The following TTC28 variants were observed in gnomAD, a reference collection of about 807,000 sequenced individuals.
TTC28 encodes tetratricopeptide repeat protein 28.
A neutral mutation model predicts 198.0 loss-of-function variants in TTC28; 61 were observed. The ratio of observed to expected loss-of-function variants is 0.31; its 90% confidence interval spans 0.25 to 0.38. TTC28 has a LOEUF of 0.38. Ranked by LOEUF, TTC28 falls within the 10% of genes least tolerant of loss-of-function variation. The pLI is 1.00. For synonymous variants in TTC28, 1,171 were observed against 1,297.8 expected (o/e 0.90, Z 2.10); for missense variants, 2,678 against 3,164.0 (o/e 0.85, Z 3.69).
rs1260864798 is a variant in TTC28, at chr22:28,297,566, A to G, written c.802+14T>C. 3 of 1,542,032 alleles carry G rather than the reference A, an allele frequency of 1.9e-6. No individual in the cohort carries two copies. The highest frequency in any genetic ancestry group is 1.2e-5 in the South Asian group (1 of 83,830). ...GTTCCCTTTCTGCACTGAAATAGAG[A>G]AGCATCACTCTACCTAAGGTCTTGG... On this transcript the variant is annotated intron_variant, in intron 4 of 22. Transcript: ENST00000397906.
At chr22:28,225,526 C>T (rs929843386) in intron 5 of TTC28, among the ~76,000 whole-genome samples, 11 of 152,068 alleles carry the variant, frequency 7.2e-5, no homozygotes, top group South Asian at 2.1e-4. Context: ...TTTTCTGCCA[C>T]GGACAAACAG....
At chr22:28,556,310 G>T (rs943655777) in intron 2 of TTC28, among the ~76,000 whole-genome samples, 3 of 152,100 alleles carry the variant, frequency 2.0e-5, no homozygotes, top group African/African-American at 7.2e-5. Context: ...AGTGAGCCAA[G>T]ATCGCACCAC....
intron 12 of TTC28, among the ~76,000 whole-genome samples, chr22:28,035,144 T>C (rs978757524): frequency 6.6e-6 from 1 of 152,356 alleles, no homozygotes; most frequent in East Asian, 1.9e-4. Context: ...CTTTTATTTA[T>C]GTCTCAACAT....
chr22:28,149,897 T>C lies in TTC28; in HGVS notation c.1441+13195A>G, dbSNP rs181991389. Among the ~76,000 whole-genome samples the C allele has an allele frequency of 6.5e-3, 987 of 152,340 alleles. 6 individuals are homozygous for C. Among genetic ancestry groups the C allele is most frequent in the Middle Eastern group, 0.024 (7 of 294 alleles). On this transcript the variant is annotated intron_variant, in intron 6 of 22. Transcript: ENST00000397906. ...TGCTAAAAGGGTAGATTTTAAATGT[T>C]CTCACCAGCAAAAAAATGGTAAGTA...
chr22:28,114,960 T>C (rs1401169110), intron 6 of TTC28, among the ~76,000 whole-genome samples: 1 of 152,128 alleles, frequency 6.6e-6, no homozygotes, highest in Admixed American at 6.5e-5. Context: ...AACTTCCTGA[T>C]AGGTAAGCTT....
At chr22:28,356,350 T>G (rs1011117680) in intron 2 of TTC28, among the ~76,000 whole-genome samples, 1 of 152,180 alleles carries the variant, frequency 6.6e-6, no homozygotes, top group African/African-American at 2.4e-5. Context: ...GTCAAGGTCA[T>G]TATTACATAG....
chr22:28,042,424 C>A (rs574515817), intron 12 of TTC28, among the ~76,000 whole-genome samples: 2 of 152,146 alleles, frequency 1.3e-5, no homozygotes, highest in Non-Finnish European at 2.9e-5. Flanking sequence ...AGTTCATAAC[C>A]TTTGCAGGGA....
chr22:28,289,654 C>G (rs2044750497), intron 5 of TTC28, among the ~76,000 whole-genome samples: 1 of 152,130 alleles, frequency 6.6e-6, no homozygotes, highest in African/African-American at 2.4e-5. Flanking sequence ...ACTATGATCA[C>G]ACTTGTGAAT....
intron 2 of TTC28, among the ~76,000 whole-genome samples, chr22:28,430,508 T>G (rs1176171163): frequency 1.3e-5 from 2 of 152,098 alleles, no homozygotes; most frequent in African/African-American, 4.8e-5. Context: ...TAACTAATAT[T>G]ACCCAAAGGA....
At chr22:28,133,826 C>T (rs577464891) in intron 6 of TTC28, among the ~76,000 whole-genome samples, 39 of 152,218 alleles carry the variant, frequency 2.6e-4, no homozygotes, top group Non-Finnish European at 4.7e-4. Flanking sequence ...CCTCTGCAGA[C>T]TTAAATGTCC....
chr22:28,576,056 A>G (rs1285267665), intron 2 of TTC28, among the ~76,000 whole-genome samples: 1 of 152,110 alleles, frequency 6.6e-6, no homozygotes, highest in Non-Finnish European at 1.5e-5. Flanking sequence ...GAAAGTGGGC[A>G]TCTTTTCCTG....
chr22:28,529,046 C>A (rs1363088193), intron 2 of TTC28, among the ~76,000 whole-genome samples: 2 of 152,202 alleles, frequency 1.3e-5, no homozygotes, highest in African/African-American at 2.4e-5. Context: ...GTACCAGGTT[C>A]ATCTCACTGG....
chr22:28,204,380 A>G (rs1926221634), intron 5 of TTC28, among the ~76,000 whole-genome samples: 1 of 152,174 alleles, frequency 6.6e-6, no homozygotes, highest in Non-Finnish European at 1.5e-5. Flanking sequence ...AAACGGTAAT[A>G]GTAATAGCTA....
chr22:28,601,115 T>A (rs887481223), intron 2 of TTC28, among the ~76,000 whole-genome samples: 2 of 152,234 alleles, frequency 1.3e-5, no homozygotes, highest in African/African-American at 2.4e-5. Context: ...CATTGAATTA[T>A]AATAAACGTG....
intron 12 of TTC28, among the ~76,000 whole-genome samples, chr22:28,043,522 C>T (rs1313631818): frequency 6.6e-6 from 1 of 151,992 alleles, no homozygotes; most frequent in Non-Finnish European, 1.5e-5. Context: ...GCAGTTTGCA[C>T]CTCCAGCTGC....
At chr22:28,574,199 ACAGGATTTCACTATGTTGCCCAGG>A (rs1318877469) in intron 2 of TTC28, among the ~76,000 whole-genome samples, 1 of 152,014 alleles carries the variant, frequency 6.6e-6, no homozygotes, top group Non-Finnish European at 1.5e-5. Context: ...TTTTTTTGAG[ACAGGATTTCACTATGTTGCCCAGG>A]CTGATCTCAA....
At chr22:28,093,038 C>G (rs1381276727) in intron 12 of TTC28, among the ~76,000 whole-genome samples, 1 of 152,220 alleles carries the variant, frequency 6.6e-6, no homozygotes, top group African/African-American at 2.4e-5. Context: ...GATCCTGGCT[C>G]TGACACTAAC....
chr22:28,152,922 C>T (rs1943643957), intron 6 of TTC28, among the ~76,000 whole-genome samples: 1 of 152,020 alleles, frequency 6.6e-6, no homozygotes, highest in African/African-American at 2.4e-5. Context: ...TTTTCTCCTA[C>T]AAAAGTAATT....
chr22:28,529,892 C>T (rs2049094056), intron 2 of TTC28, among the ~76,000 whole-genome samples: 1 of 152,110 alleles, frequency 6.6e-6, no homozygotes, highest in Non-Finnish European at 1.5e-5. Flanking sequence ...CACACCAAAA[C>T]CCCATCTGCA....
Sources: gnomAD v4.1 joint callset for allele counts (sites outside exome capture counted in the v4.1 genomes callset) on GRCh38, gnomAD v4.1.1 for gene constraint, MANE v1.5 for transcripts, NCBI Gene and HGNC (gene_info 2026-07-23, HGNC 2026-07-21) for gene names.